Variants in METTL21A observed in about 807,000 individuals in gnomAD.
METTL21A encodes the protein methyltransferase 21A, HSPA lysine, also known as protein N-lysine methyltransferase METTL21A.
Under a neutral mutation model 20.9 loss-of-function variants are expected in METTL21A, and 22 were observed. The observed-to-expected ratio is 1.05, with a 90% CI of 0.75 to 1.50. The LOEUF (loss-of-function observed/expected upper bound fraction) is 1.50. METTL21A is among the 40% of genes most tolerant of loss of function. METTL21A has a pLI of 0.00. For synonymous variants in METTL21A, 93 were observed against 102.0 expected (o/e 0.91, Z 0.53); for missense variants, 271 against 266.8 (o/e 1.02, Z -0.11).
chr2:207,625,405 C>T (rs2091010053), upstream of METTL21A: 1 of 152,032 alleles, frequency 6.6e-6, no homozygotes, highest in Non-Finnish European at 1.5e-5. Flanking sequence ...GGTCTCCCGG[C>T]ACCCAGCCTC....
chr2:207,624,593 G>T (rs922851364), intron 1 of METTL21A, 189 bp from the exon 2 acceptor site: 1 of 481,310 alleles, frequency 2.1e-6, no homozygotes, highest in Non-Finnish European at 3.6e-6. Flanking sequence ...CGGAATTTGT[G>T]TCAACGGATG....
intron 3 of METTL21A, among the ~76,000 whole-genome samples, chr2:207,585,017 A>G (rs558056177): frequency 6.6e-6 from 1 of 151,264 alleles, no homozygotes; most frequent in South Asian, 2.1e-4. Flanking sequence ...ACACACGTCT[A>G]GGAGCCTATG....
chr2:207,610,878 AG>A (rs1199375491), downstream of METTL21A: 1 of 23,526 alleles, frequency 4.3e-5, no homozygotes, highest in Non-Finnish European at 7.8e-5. Context: ...GGAAGTGAGG[AG>A]CCCCTCTGCC....
intron 3 of METTL21A, among the ~76,000 whole-genome samples, chr2:207,593,813 G>T (rs945112766): frequency 1.3e-5 from 2 of 151,558 alleles, no homozygotes; most frequent in Non-Finnish European, 2.9e-5. Context: ...CTGCCTCCTG[G>T]GTTCAAGCGA....
intron 3 of METTL21A, among the ~76,000 whole-genome samples, chr2:207,586,942 ATTAG>A (rs1348536784): frequency 2.0e-5 from 3 of 152,222 alleles, no homozygotes; most frequent in African/African-American, 7.2e-5. Flanking sequence ...AGGAAGTATC[ATTAG>A]TTAGAATGGC....
intron 1 of METTL21A, chr2:207,624,676 A>G (rs528005891): frequency 2.9e-4 from 52 of 179,652 alleles, no homozygotes; most frequent in African/African-American, 1.2e-3. Context: ...CTGCACTGCT[A>G]CCACTCCGTG....
At chr2:207,615,809 TTATA>T (rs1346456613) in intron 3 of METTL21A, 3 of 152,216 alleles carry the variant, frequency 2.0e-5, no homozygotes, top group African/African-American at 7.2e-5. Context: ...TTTTCAGTGA[TTATA>T]TATGTATTAC....
chr2:207,597,116 T>C (rs2086309242), intron 3 of METTL21A: 4 of 1,496,504 alleles, frequency 2.7e-6, no homozygotes, highest in Admixed American at 2.6e-5. Flanking sequence ...GGCCACAACC[T>C]GAAAGACAAA....
chr2:207,615,901 C>T (rs2089666022), intron 3 of METTL21A, among the ~76,000 whole-genome samples: 1 of 151,698 alleles, frequency 6.6e-6, no homozygotes, highest in Non-Finnish European at 1.5e-5. Context: ...CAATGTCTCT[C>T]TTCTATGATT....
intron 3 of METTL21A, chr2:207,600,706 G>C: frequency 4.7e-6 from 1 of 211,606 alleles, no homozygotes; most frequent in Non-Finnish European, 9.6e-6. Context: ...AGCAGTGCTA[G>C]TCTCTGAAAG....
At position 207,616,782 on chromosome 2, in the gene METTL21A, G is replaced by A. The variant is rs191782689; in HGVS notation, c.260-3339C>T. Among the ~76,000 whole-genome samples the A allele has an allele frequency of 7.6e-3, 1,157 of 152,088 alleles. 15 individuals are homozygous for A. Among genetic ancestry groups the A allele is most frequent in the African/African-American group, 0.025 (1,057 of 41,490 alleles). On this transcript the variant is annotated intron_variant, in intron 3 of 3. Transcript: ENST00000406927. ...AATCGCTTGAACCCGGGAGGCAGAG[G>A]TTGCAGTGAAGATCGCCCTACTGCA...
chr2:207,621,900 T>C lies in METTL21A; in HGVS notation c.165A>G (p.Thr55=), dbSNP rs536867524. 2.7e-5 allele frequency: 43 copies of C among 1,614,124 alleles called. 1 individual carries two copies. The South Asian group carries it at 4.5e-4, about 17-fold the overall frequency. The stretch of plus-strand genomic sequence containing the variant: ...GCTCCACAGCTCCCATCTCCAGGTA[T>C]GTGGAAAGAACGATGGCCTGAATGA... The change falls in exon 3 of 4, where the codon ACA becomes ACG. Residue 55 remains threonine, a synonymous_variant. Transcript: ENST00000406927.
At chr2:207,621,738 G>T in intron 3 of METTL21A, 68 bp downstream of exon 3, 1 of 1,376,880 alleles carries the variant, frequency 7.3e-7, no homozygotes, top group Non-Finnish European at 1.0e-6. Flanking sequence ...AGGGTTTTGC[G>T]CTAAGAAAAC....
chr2:207,618,569 G>A (rs2090076261), intron 3 of METTL21A, among the ~76,000 whole-genome samples: 1 of 152,140 alleles, frequency 6.6e-6, no homozygotes, highest in Admixed American at 6.5e-5. Context: ...CTGGTGCAGA[G>A]GCAGGTGCCT....
chr2:207,623,004 T>G (rs1420287253), intron 2 of METTL21A, among the ~76,000 whole-genome samples: 1 of 151,978 alleles, frequency 6.6e-6, no homozygotes, highest in East Asian at 1.9e-4. Context: ...GCCTCCCAGG[T>G]TCAAGCGATT....
At position 207,621,930 on chromosome 2, in the gene METTL21A, A is replaced by G. The variant is rs1470775292; in HGVS notation, c.148-13T>C. The G allele has an allele frequency of 6.2e-7, 1 of 1,610,192 alleles. No individual in the cohort carries two copies. Among genetic ancestry groups the G allele is most frequent in the Non-Finnish European group, 8.5e-7 (1 of 1,176,518 alleles). On this transcript the variant is annotated splice_polypyrimidine_tract_variant and intron_variant, in intron 2 of 3. Transcript: ENST00000406927. ...AAAGAACGATGGCCTGAATGAAAACACAGTGTGATGACGATTAAGGTCAAC... is the reference window on the plus strand; with the variant it reads ...AAAGAACGATGGCCTGAATGAAAACGCAGTGTGATGACGATTAAGGTCAAC...
At position 207,603,209 on chromosome 2, in the gene METTL21A, AT is replaced by A. The variant is rs555502133; in HGVS notation, c.259+18596del. ...TTGTGCTTTATGTGTAAAGAAAAAAATGTACTGAGTTACAATGCATTTTATT... is the reference window on the plus strand; with the variant it reads ...TTGTGCTTTATGTGTAAAGAAAAAAAGTACTGAGTTACAATGCATTTTATT... On this transcript the variant is annotated intron_variant, in intron 3 of 3. Transcript: ENST00000425132. 346 of 216,828 alleles carry A rather than the reference AT, an allele frequency of 1.6e-3. 3 individuals are homozygous for A. The highest frequency in any genetic ancestry group is 7.3e-3 in the African/African-American group (324 of 44,608). 13.4% of individuals were successfully genotyped at this position (216,828 alleles called of 1,614,324 possible).
At chr2:207,603,221 A>G (rs947339584) in intron 3 of METTL21A, 1 of 218,420 alleles carries the variant, frequency 4.6e-6, no homozygotes, top group African/African-American at 2.2e-5. Flanking sequence ...GTACTGAGTT[A>G]CAATGCATTT....
chr2:207,613,199 C>G, exon 4 of METTL21A: 1 of 1,612,158 alleles, frequency 6.2e-7, no homozygotes, highest in East Asian at 2.2e-5. Flanking sequence ...CTAAAAGAAT[C>G]ACAGAGTGAT....
Sources: gnomAD v4.1 joint callset for allele counts (sites outside exome capture counted in the v4.1 genomes callset) on GRCh38, gnomAD v4.1.1 for gene constraint, MANE v1.5 for transcripts, NCBI Gene and HGNC (gene_info 2026-07-23, HGNC 2026-07-21) for gene names.